Variants in MBD5 observed in about 807,000 individuals in gnomAD.
MBD5 encodes methyl-CpG-binding domain protein 5.
Under a neutral mutation model 117.3 loss-of-function variants are expected in MBD5, and 13 were observed. That is an observed-to-expected ratio of 0.11 (90% CI 0.07 to 0.18). The LOEUF (loss-of-function observed/expected upper bound fraction) is 0.18, where lower values mean the gene tolerates loss of function less well. Ranked by LOEUF, MBD5 falls within the 10% of genes least tolerant of loss-of-function variation. The pLI is 1.00. For synonymous variants in MBD5, 727 were observed against 766.4 expected, an observed-to-expected ratio of 0.95 and a Z score of 0.85; for missense variants, 1,879 against 2,093.8, an observed-to-expected ratio of 0.90 and a Z score of 2.00.
At chr2:148,038,260 T>G (rs1168576273) in intron 1 of MBD5, among the ~76,000 whole-genome samples, 1 of 152,030 alleles carries the variant, frequency 6.6e-6, no homozygotes, top group Non-Finnish European at 1.5e-5. Flanking sequence ...AAACTTCTTT[T>G]ATGCTTGTTT....
chr2:148,368,309 C>A (rs1703761077), intron 4 of MBD5, among the ~76,000 whole-genome samples: 1 of 151,972 alleles, frequency 6.6e-6, no homozygotes, highest in Non-Finnish European at 1.5e-5. Context: ...GGGAACATCA[C>A]ACACTGGGGC....
chr2:148,420,331 A>T (rs1349014025), intron 4 of MBD5, among the ~76,000 whole-genome samples: 1 of 152,194 alleles, frequency 6.6e-6, no homozygotes, highest in African/African-American at 2.4e-5. Flanking sequence ...TATTTTCAGT[A>T]ACACAGTTAG....
intron 1 of MBD5, among the ~76,000 whole-genome samples, chr2:148,144,282 G>C (rs149101499): frequency 1.3e-5 from 2 of 149,956 alleles, no homozygotes; most frequent in Non-Finnish European, 3.0e-5. Flanking sequence ...TTGCCCACTT[G>C]TTGATGGGGT....
chr2:148,163,710 C>T (rs1698063076), intron 1 of MBD5, among the ~76,000 whole-genome samples: 2 of 152,054 alleles, frequency 1.3e-5, no homozygotes, highest in South Asian at 4.2e-4. Context: ...GCCACCATGC[C>T]CAGCCGAGAA....
At chr2:148,437,323 C>A (rs73019204) in intron 4 of MBD5, among the ~76,000 whole-genome samples, 2 of 152,096 alleles carry the variant, frequency 1.3e-5, no homozygotes, top group African/African-American at 4.8e-5. Flanking sequence ...CTTTTTAAAT[C>A]TTGGGTGCAA....
chr2:148,053,187 T>A (rs1694768884), intron 1 of MBD5, among the ~76,000 whole-genome samples: 1 of 152,152 alleles, frequency 6.6e-6, no homozygotes, highest in African/African-American at 2.4e-5. Flanking sequence ...GCTTTATGTA[T>A]CTTGGGGCTG....
chr2:148,077,112 A>T (rs942826130), intron 1 of MBD5, among the ~76,000 whole-genome samples: 8 of 152,214 alleles, frequency 5.3e-5, no homozygotes, highest in African/African-American at 1.9e-4. Context: ...CTGTTCTATA[A>T]TAACTGTACT....
intron 4 of MBD5, 103 bp from the exon 5 acceptor site, chr2:148,458,100 A>G (rs928403051): frequency 2.5e-6 from 1 of 393,614 alleles, no homozygotes; most frequent in Non-Finnish European, 4.5e-6. Flanking sequence ...AAAGGACATC[A>G]ATGTGATTGG....
Position 148,021,504 on chromosome 2 carries a change from GCTGCTGCTA to G in MBD5, c.-1096_-1088del. On this transcript the variant is annotated 5_prime_UTR_variant, in exon 1 of 14. Transcript: ENST00000642680. Reference sequence around the variant, plus strand: ...TGTTGCTGCTGCTGCTGCTACTGCTGCTGCTGCTACTGCTGCTGCTTGGCCCTGGCTGGA... The same window carrying G: ...TGTTGCTGCTGCTGCTGCTACTGCTGCTGCTGCTGCTTGGCCCTGGCTGGA... The G allele has an allele frequency of 1.0e-5, 6 of 578,324 alleles. No homozygotes were observed. In the Admixed American group the frequency reaches 1.3e-4, roughly 12 times the overall value. 35.8% of individuals were successfully genotyped at this position (578,324 alleles called of 1,614,324 possible).
chr2:148,122,042 A>G (rs1379611949), intron 1 of MBD5, among the ~76,000 whole-genome samples: 1 of 152,146 alleles, frequency 6.6e-6, no homozygotes, highest in South Asian at 2.1e-4. Flanking sequence ...ATGATTTACT[A>G]TCATCTGATA....
chr2:148,246,811 TG>T (rs1386980356), intron 3 of MBD5, among the ~76,000 whole-genome samples: 1 of 150,134 alleles, frequency 6.7e-6, no homozygotes, highest in Non-Finnish European at 1.5e-5. Flanking sequence ...TTCAGGTACC[TG>T]TTTCTAAATG....
chr2:148,049,139 G>C (rs544364137), intron 1 of MBD5, among the ~76,000 whole-genome samples: 3 of 152,148 alleles, frequency 2.0e-5, no homozygotes, highest in Non-Finnish European at 4.4e-5. Context: ...GGATTGACTG[G>C]ACTGTAGCTT....
chr2:148,248,270 A>G (rs759704802), intron 3 of MBD5, among the ~76,000 whole-genome samples: 20 of 152,142 alleles, frequency 1.3e-4, no homozygotes, highest in Admixed American at 5.9e-4. Context: ...GTTAATTTAA[A>G]CCTTGACATT....
chr2:148,235,360 T>G (rs1700069004), intron 3 of MBD5, among the ~76,000 whole-genome samples: 1 of 152,192 alleles, frequency 6.6e-6, no homozygotes, highest in African/African-American at 2.4e-5. Flanking sequence ...TGAGCTTCAG[T>G]TATTCTTTAA....
chr2:148,162,385 G>A (rs1698027394), intron 1 of MBD5, among the ~76,000 whole-genome samples: 1 of 152,056 alleles, frequency 6.6e-6, no homozygotes, highest in Non-Finnish European at 1.5e-5. Flanking sequence ...CTCCAACTAA[G>A]ACAACTACCT....
rs1052427918 is a variant in MBD5, at chr2:148,303,683, A to G, written c.-679-38531A>G. Reference sequence around the variant, plus strand: ...GATCTGTCGTTTTTGTGAGTCAAAAATGATTGATTATGGACAATTTCATGT... The same window carrying G: ...GATCTGTCGTTTTTGTGAGTCAAAAGTGATTGATTATGGACAATTTCATGT... On this transcript the variant is annotated intron_variant, in intron 3 of 13. Coordinates refer to ENST00000642680, the MANE Select transcript of MBD5 (RefSeq NM_001378120.1). 3.3e-5 allele frequency among the ~76,000 whole-genome samples: 5 copies of G among 152,248 alleles called. No individual in the cohort carries two copies. In the South Asian group the frequency reaches 8.3e-4, roughly 25 times the overall value.
intron 3 of MBD5, among the ~76,000 whole-genome samples, chr2:148,317,387 T>C (rs1319041319): frequency 3.3e-5 from 5 of 151,960 alleles, no homozygotes; most frequent in African/African-American, 1.2e-4. Flanking sequence ...AAAATTGAGT[T>C]AACCACATCT....
At chr2:148,071,276 A>ATGTGTGTGTGTGTG (rs35621899) in intron 1 of MBD5, 2 of 109,626 alleles carry the variant, frequency 1.8e-5, no homozygotes, top group African/African-American at 3.1e-5. Flanking sequence ...ATATCTGTAT[A>ATGTGTGTGTGTGTG]TGTGTGTGTG....
chr2:148,258,826 C>T (rs1474245113), intron 3 of MBD5, among the ~76,000 whole-genome samples: 2 of 152,186 alleles, frequency 1.3e-5, no homozygotes, highest in African/African-American at 2.4e-5. Context: ...CATGGGGGCC[C>T]CCCTGTGGGT....
Sources: allele counts gnomAD v4.1 joint callset (sites outside exome capture counted in the v4.1 genomes callset), GRCh38; gene constraint gnomAD v4.1.1; transcripts MANE v1.5; gene names NCBI Gene and HGNC (gene_info 2026-07-23, HGNC 2026-07-21).